The following RERG variants were observed in gnomAD, a reference collection of about 807,000 sequenced individuals.
RERG encodes ras-related and estrogen-regulated growth inhibitor.
In RERG, 25 loss-of-function variants were observed where a neutral mutation model predicts 23.2. The observed-to-expected ratio is 1.08, with a 90% CI of 0.79 to 1.50. RERG has a LOEUF of 1.50. RERG is among the 40% of genes most tolerant of loss of function. RERG has a pLI of 0.00. For synonymous variants in RERG, 81 were observed against 89.1 expected (o/e 0.91, Z 0.51); for missense variants, 253 against 250.1 (o/e 1.01, Z -0.08).
chr12:15,196,948 A>G (rs951541642), intron 2 of RERG, among the ~76,000 whole-genome samples: 7 of 152,156 alleles, frequency 4.6e-5, no homozygotes, highest in Non-Finnish European at 1.0e-4. Context: ...GTATCTCATG[A>G]GACCACAGGT....
chr12:15,148,979 C>T lies in RERG; in HGVS notation c.62-27860G>A, dbSNP rs536221741. ...CGCCTCCTGGGTTCATGCCATTCTC[C>T]TGCCTCAGCCTCCCGAGTAGCTGGG... On this transcript the variant is annotated intron_variant, in intron 2 of 4. Coordinates refer to ENST00000256953, the MANE Select transcript of RERG (RefSeq NM_032918.3). 2.7e-5 allele frequency among the ~76,000 whole-genome samples: 4 copies of T among 149,696 alleles called. No homozygotes were observed. In the East Asian group the frequency reaches 8.0e-4, roughly 30 times the overall value.
At chr12:15,180,488 C>A (rs1248456239) in intron 2 of RERG, among the ~76,000 whole-genome samples, 1 of 152,088 alleles carries the variant, frequency 6.6e-6, no homozygotes, top group Non-Finnish European at 1.5e-5. Context: ...TCTGTACAGG[C>A]CCCACAGCCA....
intron 2 of RERG, among the ~76,000 whole-genome samples, chr12:15,170,517 T>C (rs1864763230): frequency 6.6e-6 from 1 of 152,208 alleles, no homozygotes; most frequent in South Asian, 2.1e-4. Context: ...CTGCTAGCAA[T>C]TGCATTTTAC....
intron 2 of RERG, among the ~76,000 whole-genome samples, chr12:15,180,050 C>T (rs143535701): frequency 6.6e-6 from 1 of 151,890 alleles, no homozygotes; most frequent in East Asian, 1.9e-4. Context: ...TTGGGAGAAA[C>T]CTGATGGAGG....
At chr12:15,214,372 C>T (rs939586086) in intron 2 of RERG, among the ~76,000 whole-genome samples, 2 of 152,152 alleles carry the variant, frequency 1.3e-5, no homozygotes, top group African/African-American at 2.4e-5. Flanking sequence ...CCAAGCTATA[C>T]GACTCCTCGT....
intron 2 of RERG, among the ~76,000 whole-genome samples, chr12:15,154,656 G>A (rs1012346492): frequency 3.9e-5 from 6 of 152,140 alleles, no homozygotes; most frequent in African/African-American, 7.2e-5. Flanking sequence ...CTTCTGGTGC[G>A]TACATTATGT....
chr12:15,116,100 A>T (rs1027447281), intron 3 of RERG, among the ~76,000 whole-genome samples: 22 of 152,140 alleles, frequency 1.4e-4, no homozygotes, highest in Admixed American at 6.5e-4. Context: ...GTTTTGTATG[A>T]TTTAATGCTC....
chr12:15,164,779 T>A (rs1864663383), intron 2 of RERG, among the ~76,000 whole-genome samples: 1 of 152,200 alleles, frequency 6.6e-6, no homozygotes. Context: ...CAAAAGGTGT[T>A]AACTAGCACA....
At chr12:15,165,205 G>T (rs1266258700) in intron 2 of RERG, among the ~76,000 whole-genome samples, 1 of 152,086 alleles carries the variant, frequency 6.6e-6, no homozygotes, top group Admixed American at 6.5e-5. Flanking sequence ...GTCTTTGAGC[G>T]GCGACCACTC....
intron 2 of RERG, among the ~76,000 whole-genome samples, chr12:15,146,559 A>T (rs1247040756): frequency 6.6e-6 from 1 of 152,198 alleles, no homozygotes; most frequent in East Asian, 1.9e-4. Context: ...TTGAGTAGCT[A>T]ACCTATGCTC....
chr12:15,205,198 G>C (rs1467052681), intron 2 of RERG, among the ~76,000 whole-genome samples: 1 of 151,876 alleles, frequency 6.6e-6, no homozygotes, highest in Non-Finnish European at 1.5e-5. Context: ...AAAACACTAT[G>C]GTCCCTGAGG....
intron 2 of RERG, among the ~76,000 whole-genome samples, chr12:15,146,916 C>T (rs1338274164): frequency 3.3e-5 from 5 of 152,182 alleles, no homozygotes; most frequent in Admixed American, 6.5e-5. Context: ...GGAAATATTA[C>T]ATTAACAATC....
At chr12:15,144,624 T>C (rs1416687721) in intron 2 of RERG, among the ~76,000 whole-genome samples, 4 of 152,118 alleles carry the variant, frequency 2.6e-5, no homozygotes, top group South Asian at 4.1e-4. Context: ...CAGTGTGAAA[T>C]TGGTGGCCGA....
At chr12:15,133,725 G>GT (rs549271423) in intron 2 of RERG, among the ~76,000 whole-genome samples, 68,650 of 134,906 alleles carry the variant, frequency 0.51, 18,093 homozygotes, top group Admixed American at 0.65. Flanking sequence ...TGACTGAGAG[G>GT]TTTTTTTTTT....
At chr12:15,171,228 T>A (rs1456075855) in intron 2 of RERG, among the ~76,000 whole-genome samples, 2 of 152,144 alleles carry the variant, frequency 1.3e-5, no homozygotes, top group East Asian at 3.8e-4. Flanking sequence ...CAAGTATGAG[T>A]TGATTAATAG....
chr12:15,208,166 AGTTTCC>A (rs1865318302), intron 2 of RERG, among the ~76,000 whole-genome samples: 2 of 152,266 alleles, frequency 1.3e-5, no homozygotes, highest in South Asian at 4.1e-4. Flanking sequence ...CTCCTGCCTG[AGTTTCC>A]ACCCTGCCAA....
chr12:15,196,178 A>C (rs184304557), intron 2 of RERG, among the ~76,000 whole-genome samples: 1 of 152,152 alleles, frequency 6.6e-6, no homozygotes, highest in Non-Finnish European at 1.5e-5. Context: ...GTTGAACTGG[A>C]TTCATGTTAA....
At position 15,125,356 on chromosome 12, in the gene RERG, T is replaced by C. The variant is rs114113001; in HGVS notation, c.62-4237A>G. On this transcript the variant is annotated intron_variant, in intron 2 of 4. Coordinates refer to ENST00000256953, the MANE Select transcript of RERG (RefSeq NM_032918.3). ...TTATTTATAATAAAAAAGTTAGAAA[T>C]GTTAAAGCTTAAAAACTACATGAAT... is the stretch of plus-strand genomic sequence containing the variant. 6.5e-3 allele frequency among the ~76,000 whole-genome samples: 986 copies of C among 152,138 alleles called. 8 individuals are homozygous for C. The highest frequency in any genetic ancestry group is 0.023 in the African/African-American group (943 of 41,554).
At chr12:15,151,999 G>A (rs780310345) in intron 2 of RERG, 1 of 152,132 alleles carries the variant, frequency 6.6e-6, no homozygotes, top group Non-Finnish European at 1.5e-5. Context: ...CCTACAGTTC[G>A]GAGATTAATA....
Sources: allele counts gnomAD v4.1 joint callset (sites outside exome capture counted in the v4.1 genomes callset), GRCh38; gene constraint gnomAD v4.1.1; transcripts MANE v1.5; gene names NCBI Gene and HGNC (gene_info 2026-07-23, HGNC 2026-07-21).